Variants in SHB observed in about 807,000 individuals in gnomAD.
The protein encoded by SHB is SH2 domain containing adaptor protein B.
In SHB, 20 loss-of-function variants were observed where a neutral mutation model predicts 52.3. The observed-to-expected ratio is 0.38, with a 90% confidence interval of 0.27 to 0.56. The LOEUF is 0.56. SHB is among the 20% of genes least tolerant of loss of function. The pLI, the probability that SHB is intolerant of heterozygous loss-of-function variation, is 0.71. For synonymous variants in SHB, 397 were observed against 316.5 expected (o/e 1.25, Z -2.70); for missense variants, 825 against 723.3 (o/e 1.14, Z -1.61).
intron 1 of SHB, among the ~76,000 whole-genome samples, chr9:38,051,850 TTGAC>T (rs1423264801): frequency 1.3e-5 from 2 of 152,178 alleles, no homozygotes; most frequent in African/African-American, 2.4e-5. Flanking sequence ...AAGGGGCTCT[TTGAC>T]TGAGCCCAGC....
At chr9:37,923,982 C>T (rs1050016944) in intron 5 of SHB, among the ~76,000 whole-genome samples, 1 of 152,246 alleles carries the variant, frequency 6.6e-6, no homozygotes. Context: ...GCACCGTCAT[C>T]AGCACCATCG....
chr9:38,059,196 G>C (rs1587268767), intron 1 of SHB, among the ~76,000 whole-genome samples: 1 of 152,240 alleles, frequency 6.6e-6, no homozygotes, highest in African/African-American at 2.4e-5. Flanking sequence ...GGTCCAGCCT[G>C]TAAGTCAAGG....
chr9:38,017,550 G>A (rs1564102823), intron 1 of SHB, among the ~76,000 whole-genome samples: 1 of 152,246 alleles, frequency 6.6e-6, no homozygotes, highest in Non-Finnish European at 1.5e-5. Flanking sequence ...TCCCTGGCAA[G>A]TGGCTGGAGG....
intron 1 of SHB, among the ~76,000 whole-genome samples, chr9:38,067,064 G>A (rs771777396): frequency 3.3e-5 from 5 of 152,170 alleles, no homozygotes; most frequent in Admixed American, 1.3e-4. Context: ...GGGAGGAGGG[G>A]ACCTAGTCTG....
intron 2 of SHB, among the ~76,000 whole-genome samples, chr9:37,979,651 A>C (rs1466615625): frequency 6.6e-6 from 1 of 151,480 alleles, no homozygotes; most frequent in African/African-American, 2.4e-5. Flanking sequence ...CAACAACAAC[A>C]AAAAAAACAG....
At chr9:37,987,042 ATACCCCT>A (rs1358779342) in intron 2 of SHB, among the ~76,000 whole-genome samples, 21 of 152,346 alleles carry the variant, frequency 1.4e-4, no homozygotes, top group Non-Finnish European at 2.4e-4. Context: ...AGTCACGGCT[ATACCCCT>A]TACCCTGTGG....
At chr9:37,998,205 T>TGGAGGTAGGAGGGA (rs1554703872) in intron 2 of SHB, among the ~76,000 whole-genome samples, 2 of 148,974 alleles carry the variant, frequency 1.3e-5, no homozygotes, top group African/African-American at 4.9e-5. Flanking sequence ...GCAGGCAGCT[T>TGGAGGTAGGAGGGA]GGAGGGAGGA....
intron 1 of SHB, among the ~76,000 whole-genome samples, chr9:38,019,888 T>C (rs1821261616): frequency 6.6e-6 from 1 of 151,974 alleles, no homozygotes; most frequent in South Asian, 2.1e-4. Flanking sequence ...TGCAGCAGGC[T>C]GAAAAAAAAA....
intron 3 of SHB, among the ~76,000 whole-genome samples, chr9:37,970,414 G>A (rs150259039): frequency 6.8e-4 from 104 of 152,266 alleles, no homozygotes; most frequent in East Asian, 1.9e-3. Context: ...AGCCTTCCGC[G>A]GTGGCAGCCC....
intron 5 of SHB, among the ~76,000 whole-genome samples, chr9:37,931,010 TGGAGAAAA>T (rs1175720512): frequency 1.3e-5 from 2 of 152,014 alleles, no homozygotes; most frequent in Non-Finnish European, 2.9e-5. Flanking sequence ...GAAGACACAA[TGGAGAAAA>T]GATAATCCCT....
intron 1 of SHB, among the ~76,000 whole-genome samples, chr9:38,049,858 G>A (rs1364618871): frequency 1.3e-5 from 2 of 150,608 alleles, no homozygotes; most frequent in Non-Finnish European, 3.0e-5. Flanking sequence ...GGAGTGCAGT[G>A]GTGCAATCTT....
At chr9:38,026,288 G>A (rs1442003314) in intron 1 of SHB, among the ~76,000 whole-genome samples, 1 of 152,240 alleles carries the variant, frequency 6.6e-6, no homozygotes, top group Non-Finnish European at 1.5e-5. Context: ...TGTGCTTCCT[G>A]TGCTAGAAGC....
At position 37,974,760 on chromosome 9, in the gene SHB, G is replaced by A. The variant is rs1820635052; in HGVS notation, c.916C>T (p.Gln306Ter). 6.2e-7 allele frequency: 1 copy of A among 1,613,970 alleles called. No homozygotes were observed. ...LYDTPYEPEG[Q>*]SVDSDSESTV... Reference sequence around the variant, plus strand: ...CTCTCCGAGTCTGAGTCAACACTTTGGCCTTCAGGTTCGTAAGGGGTGTCA... The same window carrying A: ...CTCTCCGAGTCTGAGTCAACACTTTAGCCTTCAGGTTCGTAAGGGGTGTCA... The change falls in exon 3 of 6, where the codon CAA becomes TAA. Residue 306 changes from glutamine to a stop codon, truncating the protein, a stop_gained. Coordinates refer to ENST00000377707, the MANE Select transcript of SHB (RefSeq NM_003028.3). LOFTEE classifies it high-confidence loss of function.
intron 2 of SHB, among the ~76,000 whole-genome samples, chr9:38,012,440 G>A (rs1003395779): frequency 4.6e-5 from 7 of 152,154 alleles, no homozygotes; most frequent in Non-Finnish European, 1.0e-4. Context: ...ACCCAGTTAA[G>A]AACTGACATC....
intron 3 of SHB, among the ~76,000 whole-genome samples, chr9:37,958,997 C>G (rs891716989): frequency 6.6e-6 from 1 of 152,144 alleles, no homozygotes; most frequent in East Asian, 1.9e-4. Context: ...CATCCTGGAG[C>G]CCCTTTCTAA....
chr9:38,031,061 C>A (rs1484424665), intron 1 of SHB, among the ~76,000 whole-genome samples: 1 of 152,206 alleles, frequency 6.6e-6, no homozygotes, highest in Non-Finnish European at 1.5e-5. Flanking sequence ...GTGGCTCATG[C>A]CTTTAACCCC....
At chr9:38,003,970 G>A (rs1307670721) in intron 2 of SHB, among the ~76,000 whole-genome samples, 1 of 152,194 alleles carries the variant, frequency 6.6e-6, no homozygotes, top group Admixed American at 6.5e-5. Flanking sequence ...GGGGAGGGCA[G>A]GAGCTGGCCC....
chr9:38,062,659 T>C (rs1463153558), intron 1 of SHB, among the ~76,000 whole-genome samples: 2 of 152,100 alleles, frequency 1.3e-5, no homozygotes, highest in African/African-American at 4.8e-5. Context: ...CAGGGCTGCA[T>C]ACCCACCCCA....
At chr9:38,031,981 C>T (rs1339686350) in intron 1 of SHB, among the ~76,000 whole-genome samples, 1 of 152,158 alleles carries the variant, frequency 6.6e-6, no homozygotes, top group Admixed American at 6.5e-5. Flanking sequence ...ACCCAGCTTT[C>T]TCTCTTCACC....
Sources: allele counts gnomAD v4.1 joint callset (sites outside exome capture counted in the v4.1 genomes callset), GRCh38; gene constraint gnomAD v4.1.1; transcripts MANE v1.5; gene names NCBI Gene and HGNC (gene_info 2026-07-23, HGNC 2026-07-21).